GLRA3: variants seen among roughly 807,000 people sequenced by gnomAD.
GLRA3 encodes the protein glycine receptor subunit alpha-3.
A neutral mutation model predicts 60.4 loss-of-function variants in GLRA3; 44 were observed. The ratio of observed to expected loss-of-function variants is 0.73; its 90% confidence interval spans 0.57 to 0.94. The LOEUF (loss-of-function observed/expected upper bound fraction) is 0.94, where lower values mean the gene tolerates loss of function less well. GLRA3 is among the 40% of genes least tolerant of loss of function. The pLI, the probability that GLRA3 is intolerant of heterozygous loss-of-function variation, is 0.00. For synonymous variants in GLRA3, 223 were observed against 192.9 expected (o/e 1.16, Z -1.29); for missense variants, 508 against 564.6 (o/e 0.90, Z 1.02).
intron 5 of GLRA3, among the ~76,000 whole-genome samples, chr4:174,705,801 G>A (rs545220860): frequency 1.1e-5 from 1 of 94,802 alleles, no homozygotes; most frequent in Admixed American, 1.2e-4. Flanking sequence ...AGAAATGAGA[G>A]ACATTTTCCC....
intron 8 of GLRA3, among the ~76,000 whole-genome samples, chr4:174,658,072 A>G (rs1218163179): frequency 6.6e-6 from 1 of 152,200 alleles, no homozygotes; most frequent in Middle Eastern, 3.2e-3. Context: ...ATTGCAGTAT[A>G]ATTTATAAAG....
intron 7 of GLRA3, among the ~76,000 whole-genome samples, chr4:174,667,253 A>G (rs1455716839): frequency 6.6e-6 from 1 of 152,102 alleles, no homozygotes; most frequent in Non-Finnish European, 1.5e-5. Context: ...CCACATGCCT[A>G]GAGGGGAAAG....
intron 5 of GLRA3, among the ~76,000 whole-genome samples, chr4:174,689,602 G>A (rs570343076): frequency 4.6e-5 from 7 of 151,428 alleles, no homozygotes; most frequent in South Asian, 4.2e-4. Flanking sequence ...AGTTTCCTCT[G>A]TCTATCATTC....
rs551695988 is a variant in GLRA3 at position 174,798,727 on chromosome 4, A to G, written c.72-9784T>C. 2.9e-3 allele frequency among the ~76,000 whole-genome samples: 436 copies of G among 152,330 alleles called. 2 individuals are homozygous for G. Among genetic ancestry groups the G allele is most frequent in the African/African-American group, 9.9e-3 (413 of 41,570 alleles). ...ATCACGAGGTCAGTAGACGGAGACC[A>G]TCCTGGCTAACACGGTGAAACCCCG... is the stretch of plus-strand genomic sequence containing the variant. On this transcript the variant is annotated intron_variant, in intron 1 of 9. Coordinates refer to ENST00000274093, the MANE Select transcript of GLRA3 (RefSeq NM_006529.4).
intron 1 of GLRA3, among the ~76,000 whole-genome samples, chr4:174,814,465 T>TTCTGCCAC (rs1346920736): frequency 6.6e-6 from 1 of 152,302 alleles, no homozygotes; most frequent in Non-Finnish European, 1.5e-5. Context: ...CTCTCTCTTT[T>TTCTGCCAC]TCTGCCACTC....
chr4:174,757,286 C>T (rs1737756983), intron 3 of GLRA3, among the ~76,000 whole-genome samples: 1 of 152,016 alleles, frequency 6.6e-6, no homozygotes, highest in Non-Finnish European at 1.5e-5. Context: ...CACACACACA[C>T]ACACACACAC....
At chr4:174,719,645 T>G (rs1462554880) in intron 4 of GLRA3, among the ~76,000 whole-genome samples, 1 of 152,192 alleles carries the variant, frequency 6.6e-6, no homozygotes, top group African/African-American at 2.4e-5. Flanking sequence ...GCTGGAGCAC[T>G]AGAAGGGAGA....
intron 3 of GLRA3, among the ~76,000 whole-genome samples, chr4:174,734,229 G>C (rs945040340): frequency 6.6e-5 from 10 of 152,140 alleles, no homozygotes; most frequent in African/African-American, 2.4e-4. Flanking sequence ...TGTCTCACTG[G>C]TTTAGCTGCA....
chr4:174,786,523 A>G (rs1739137269), intron 2 of GLRA3, among the ~76,000 whole-genome samples: 1 of 152,192 alleles, frequency 6.6e-6, no homozygotes, highest in Non-Finnish European at 1.5e-5. Flanking sequence ...TGATAGCCGT[A>G]AGGAAGAAAT....
intron 3 of GLRA3, among the ~76,000 whole-genome samples, chr4:174,759,820 A>G (rs1038301794): frequency 6.6e-6 from 1 of 152,158 alleles, no homozygotes; most frequent in Non-Finnish European, 1.5e-5. Flanking sequence ...ATAAATGCCT[A>G]CCTTACAAAT....
intron 7 of GLRA3, among the ~76,000 whole-genome samples, chr4:174,672,931 C>CAT (rs1733967535): frequency 6.6e-6 from 1 of 151,778 alleles, no homozygotes; most frequent in Non-Finnish European, 1.5e-5. Flanking sequence ...AGTGTGTGTG[C>CAT]ATGTGTGTGT....
intron 2 of GLRA3, among the ~76,000 whole-genome samples, chr4:174,781,034 C>A (rs1366163507): frequency 2.0e-5 from 3 of 152,148 alleles, no homozygotes; most frequent in Non-Finnish European, 4.4e-5. Flanking sequence ...CCGTACCACA[C>A]CTATTCCAAA....
intron 1 of GLRA3, among the ~76,000 whole-genome samples, chr4:174,803,709 T>C (rs1490084689): frequency 2.0e-5 from 3 of 152,200 alleles, no homozygotes; most frequent in African/African-American, 7.2e-5. Context: ...ATATTTTTAA[T>C]TGAAATGAAG....
chr4:174,737,512 G>GT (rs1184746944), intron 3 of GLRA3, among the ~76,000 whole-genome samples: 31 of 132,480 alleles, frequency 2.3e-4, no homozygotes, highest in African/African-American at 4.1e-4. Context: ...TTTTTTTGTG[G>GT]TTTTTTGTTG....
At chr4:174,758,141 G>A (rs1476284204) in intron 3 of GLRA3, among the ~76,000 whole-genome samples, 2 of 151,950 alleles carry the variant, frequency 1.3e-5, no homozygotes, top group African/African-American at 4.8e-5. Context: ...AGAACTATGG[G>A]CCAAAAAACT....
At chr4:174,701,902 T>C (rs1183119746) in intron 5 of GLRA3, among the ~76,000 whole-genome samples, 2 of 152,202 alleles carry the variant, frequency 1.3e-5, no homozygotes, top group South Asian at 2.1e-4. Flanking sequence ...TTCTTAAGCA[T>C]GAGCAAAGAA....
At chr4:174,730,238 A>G (rs1025558439) in intron 3 of GLRA3, among the ~76,000 whole-genome samples, 3 of 152,174 alleles carry the variant, frequency 2.0e-5, no homozygotes, top group South Asian at 4.1e-4. Flanking sequence ...ATCTTCTCTT[A>G]GCCTGTAGTC....
At chr4:174,706,796 G>C (rs1735537179) in intron 5 of GLRA3, among the ~76,000 whole-genome samples, 1 of 152,198 alleles carries the variant, frequency 6.6e-6, no homozygotes, top group African/African-American at 2.4e-5. Flanking sequence ...AAGCTGCTAA[G>C]AGACTAATGT....
At chr4:174,772,358 T>A (rs1309008288) in intron 2 of GLRA3, among the ~76,000 whole-genome samples, 1 of 152,134 alleles carries the variant, frequency 6.6e-6, no homozygotes, top group Admixed American at 6.5e-5. Flanking sequence ...GTAAAGTAAC[T>A]CACAATGGTC....
Sources: gnomAD v4.1 joint callset for allele counts (sites outside exome capture counted in the v4.1 genomes callset) on GRCh38, gnomAD v4.1.1 for gene constraint, MANE v1.5 for transcripts, NCBI Gene and HGNC (gene_info 2026-07-23, HGNC 2026-07-21) for gene names.